The following NRG3 variants were observed in gnomAD, a reference collection of about 807,000 sequenced individuals.
NRG3 encodes neuregulin 3.
NRG3 carries 31 observed loss-of-function variants against 66.9 expected under a neutral mutation model. That is an observed-to-expected ratio of 0.46 (90% CI 0.35 to 0.63). The LOEUF (loss-of-function observed/expected upper bound fraction) is 0.63, where lower values mean the gene tolerates loss of function less well. Ranked by LOEUF, NRG3 falls within the 20% of genes least tolerant of loss-of-function variation. NRG3 has a pLI of 0.00. For missense variants in NRG3, 910 were observed against 878.9 expected (o/e 1.04, Z -0.45); for synonymous variants, 393 against 359.4 (o/e 1.09, Z -1.06).
At chr10:82,263,045 T>TA (rs2078114029) in intron 1 of NRG3, among the ~76,000 whole-genome samples, 1 of 152,144 alleles carries the variant, frequency 6.6e-6, no homozygotes, top group Non-Finnish European at 1.5e-5. Context: ...CTGCTTTGTA[T>TA]AAAAAATAAA....
intron 2 of NRG3, among the ~76,000 whole-genome samples, chr10:82,587,540 G>T (rs1038125722): frequency 2.0e-5 from 3 of 152,114 alleles, no homozygotes; most frequent in African/African-American, 7.2e-5. Context: ...AATTCATCTT[G>T]GGCAAGTGGT....
At chr10:82,981,237 C>T (rs1209317434) in intron 8 of NRG3, among the ~76,000 whole-genome samples, 5 of 152,138 alleles carry the variant, frequency 3.3e-5, no homozygotes, top group Admixed American at 6.5e-5. Context: ...TTATTTTCTG[C>T]GTGGTGGTGG....
At chr10:82,153,831 T>A (rs1193267075) in intron 1 of NRG3, among the ~76,000 whole-genome samples, 1 of 152,118 alleles carries the variant, frequency 6.6e-6, no homozygotes, top group African/African-American at 2.4e-5. Context: ...GAACTTTTTT[T>A]TCATATATCT....
intron 2 of NRG3, among the ~76,000 whole-genome samples, chr10:82,661,347 C>T (rs2052344600): frequency 6.6e-6 from 1 of 151,840 alleles, no homozygotes; most frequent in Non-Finnish European, 1.5e-5. Context: ...ATATAATGTA[C>T]ACATATAAAT....
intron 1 of NRG3, among the ~76,000 whole-genome samples, chr10:82,306,657 TC>T (rs2080746856): frequency 8.0e-6 from 1 of 125,230 alleles, no homozygotes; most frequent in Non-Finnish European, 1.6e-5. Flanking sequence ...TGAGCCGAGA[TC>T]GCGCCACTGC....
At chr10:82,150,803 A>G (rs2070688393) in intron 1 of NRG3, among the ~76,000 whole-genome samples, 1 of 152,138 alleles carries the variant, frequency 6.6e-6, no homozygotes, top group Non-Finnish European at 1.5e-5. Context: ...CTTTGATTAC[A>G]CACAACCGAG....
chr10:82,669,697 G>A (rs893430097), intron 2 of NRG3, among the ~76,000 whole-genome samples: 1 of 152,178 alleles, frequency 6.6e-6, no homozygotes, highest in African/African-American at 2.4e-5. Flanking sequence ...GGGAGGCCGA[G>A]GCGGGTGGAT....
intron 2 of NRG3, among the ~76,000 whole-genome samples, chr10:82,428,023 T>C (rs1439636218): frequency 1.3e-5 from 2 of 151,986 alleles, no homozygotes; most frequent in Admixed American, 6.6e-5. Flanking sequence ...TTATTCTTCT[T>C]ATTTTCCTCT....
At chr10:81,878,142 G>A (rs1311776731) in intron 1 of NRG3, 3 of 1,421,714 alleles carry the variant, frequency 2.1e-6, no homozygotes, top group South Asian at 1.4e-5. Flanking sequence ...TTCCGTGGAC[G>A]GGAATGGCAG....
intron 1 of NRG3, among the ~76,000 whole-genome samples, chr10:82,298,902 G>A (rs1199775946): frequency 6.6e-6 from 1 of 152,202 alleles, no homozygotes; most frequent in South Asian, 2.1e-4. Flanking sequence ...TTGGGGTTGT[G>A]GGAGAGGCCT....
intron 1 of NRG3, among the ~76,000 whole-genome samples, chr10:82,159,343 A>G (rs1384078672): frequency 2.6e-5 from 4 of 151,774 alleles, no homozygotes; most frequent in African/African-American, 7.2e-5. Context: ...CAGCACTCCA[A>G]ATATCTCTAA....
chr10:82,369,928 G>A lies in NRG3; in HGVS notation c.953+11060G>A, dbSNP rs1345475154. 2.9e-5 allele frequency among the ~76,000 whole-genome samples: 4 copies of A among 137,974 alleles called. 1 individual carries two copies. Among genetic ancestry groups the A allele is most frequent in the African/African-American group, 1.0e-4 (3 of 29,570 alleles). The allele number at this position is 137,974 out of a possible 152,430, so 90.5% of individuals were successfully genotyped here. ...CATATGACAGGGGTGTGGCTCACCT[G>A]TTTTTGGTCGTCCCCCAGCTGAAAC... is the stretch of plus-strand genomic sequence containing the variant. On this transcript the variant is annotated intron_variant, in intron 2 of 8. Transcript: ENST00000372141.
At chr10:82,802,807 C>G (rs2061103074) in intron 3 of NRG3, among the ~76,000 whole-genome samples, 1 of 152,062 alleles carries the variant, frequency 6.6e-6, no homozygotes, top group Non-Finnish European at 1.5e-5. Context: ...CACGCACCAC[C>G]AAGCCCAGCT....
intron 1 of NRG3, among the ~76,000 whole-genome samples, chr10:82,117,668 C>T (rs2067812949): frequency 1.3e-5 from 2 of 152,042 alleles, no homozygotes; most frequent in Admixed American, 1.3e-4. Flanking sequence ...TGCTGTGAGG[C>T]ATTGCCCAGA....
intron 1 of NRG3, among the ~76,000 whole-genome samples, chr10:82,011,363 C>T (rs1027928263): frequency 6.6e-6 from 1 of 152,158 alleles, no homozygotes; most frequent in Non-Finnish European, 1.5e-5. Flanking sequence ...TGGCCCCACC[C>T]TTGACAAATG....
intron 1 of NRG3, among the ~76,000 whole-genome samples, chr10:82,021,950 G>A (rs1183908120): frequency 3.3e-5 from 5 of 150,420 alleles, no homozygotes. Flanking sequence ...CCAGTCTTTT[G>A]TATACACTTA....
intron 1 of NRG3, among the ~76,000 whole-genome samples, chr10:82,040,534 A>G (rs1232965236): frequency 4.6e-5 from 7 of 152,040 alleles, no homozygotes; most frequent in Non-Finnish European, 8.8e-5. Flanking sequence ...GGCAAACTGT[A>G]TACTGGCACA....
At chr10:82,820,494 T>C (rs765242302) in intron 3 of NRG3, among the ~76,000 whole-genome samples, 45 of 152,308 alleles carry the variant, frequency 3.0e-4, no homozygotes, top group Non-Finnish European at 5.6e-4. Flanking sequence ...ATCTGCTCCC[T>C]ACATAGTCTG....
At chr10:82,872,326 T>C (rs1475471285) in intron 4 of NRG3, among the ~76,000 whole-genome samples, 5 of 152,154 alleles carry the variant, frequency 3.3e-5, no homozygotes, top group Non-Finnish European at 7.4e-5. Flanking sequence ...CTTACTTTTA[T>C]TATTCTTGCT....
Sources: gnomAD v4.1 joint callset for allele counts (sites outside exome capture counted in the v4.1 genomes callset) on GRCh38, gnomAD v4.1.1 for gene constraint, MANE v1.5 for transcripts, NCBI Gene and HGNC (gene_info 2026-07-23, HGNC 2026-07-21) for gene names.